TF: variants seen among roughly 807,000 people sequenced by gnomAD.
TF encodes serotransferrin.
A neutral mutation model predicts 82.4 loss-of-function variants in TF; 55 were observed. The ratio of observed to expected loss-of-function variants is 0.67; its 90% confidence interval spans 0.54 to 0.84. The LOEUF (loss-of-function observed/expected upper bound fraction) is 0.84, where lower values mean the gene tolerates loss of function less well. Among genes scored for constraint, TF ranks in the 40% least tolerant of loss-of-function variants. The pLI, the probability that TF is intolerant of heterozygous loss-of-function variation, is 0.00. For missense variants in TF, 737 were observed against 868.4 expected, an observed-to-expected ratio of 0.85 and a Z score of 1.90; for synonymous variants, 332 against 332.6, an observed-to-expected ratio of 1.00 and a Z score of 0.02.
chr3:133,713,940 G>A, the TF span, among the ~76,000 whole-genome samples: 1 of 152,156 alleles, frequency 6.6e-6, no homozygotes, highest in Non-Finnish European at 1.5e-5. Context: ...TAGGACAACA[G>A]CACATAAATA....
the TF span, among the ~76,000 whole-genome samples, chr3:133,694,657 T>C: frequency 6.6e-6 from 1 of 152,206 alleles, no homozygotes; most frequent in Non-Finnish European, 1.5e-5. Flanking sequence ...TCTGGGCTTT[T>C]GGCAGGGCCA....
At chr3:133,733,228 C>T in the TF span, among the ~76,000 whole-genome samples, 331 of 152,184 alleles carry the variant, frequency 2.2e-3, 5 homozygotes, top group African/African-American at 7.6e-3. Context: ...CACAGCCTTC[C>T]TTTCCACTCC....
Position 133,778,712 on chromosome 3 carries a change from C to A in TF, c.*92C>A. ...GTTTCACTGGCCCAAGTGGTTTGTG[C>A]TAACCACGTCTGTCTTCACAGCTCT... On this transcript the variant is annotated 3_prime_UTR_variant, in exon 17 of 17. Transcript: ENST00000402696. The A allele has an allele frequency of 7.5e-7, 1 of 1,335,614 alleles. No homozygotes were observed. The highest frequency in any genetic ancestry group is 1.1e-6 in the Non-Finnish European group (1 of 938,324). The allele number at this position is 1,335,614 out of a possible 1,614,324, so 82.7% of individuals were successfully genotyped here.
At chr3:133,667,356 CAAAAA>C in the TF span, among the ~76,000 whole-genome samples, 29 of 128,072 alleles carry the variant, frequency 2.3e-4, 1 homozygote, top group Non-Finnish European at 1.1e-4. Flanking sequence ...GACTCTGACT[CAAAAA>C]AAAAAAAAAA....
the TF span, among the ~76,000 whole-genome samples, chr3:133,668,335 G>T: frequency 6.6e-6 from 1 of 152,174 alleles, no homozygotes; most frequent in African/African-American, 2.4e-5. Flanking sequence ...GAGGGTAATA[G>T]AAAATGAAGA....
At chr3:133,687,429 G>A in the TF span, among the ~76,000 whole-genome samples, 5 of 151,996 alleles carry the variant, frequency 3.3e-5, no homozygotes, top group Admixed American at 2.6e-4. Context: ...TTTGAGATGA[G>A]ATTCACATAA....
chr3:133,728,497 A>G, the TF span, among the ~76,000 whole-genome samples: 2 of 152,078 alleles, frequency 1.3e-5, no homozygotes, highest in Non-Finnish European at 2.9e-5. Flanking sequence ...CTTGGCTTTC[A>G]GCTCCATCAG....
In TF at chr3:133,783,302, A is replaced by C. The variant is rs1393141538; in HGVS notation, c.*4682A>C. ...ATAAAAGTTCCAGATATTAAATGCA[A>C]ATGAGAATTTATTACATGATAAAGC... is the stretch of plus-strand genomic sequence containing the variant. On this transcript the variant is annotated 3_prime_UTR_variant, in exon 17 of 17. Coordinates refer to ENST00000402696, the MANE Select transcript of TF (RefSeq NM_001063.4). The C allele has an allele frequency of 6.6e-6, 1 of 152,200 alleles. No homozygotes were observed. The highest frequency in any genetic ancestry group is 1.5e-5 in the Non-Finnish European group (1 of 68,034). The allele number at this position is 152,200 out of a possible 1,614,324, so 9.4% of individuals were successfully genotyped here.
chr3:133,721,252 G>A, the TF span, among the ~76,000 whole-genome samples: 22 of 152,194 alleles, frequency 1.4e-4, no homozygotes, highest in African/African-American at 4.8e-4. Context: ...TCTTAGAACT[G>A]CTTTTGCTGT....
chr3:133,786,607 T>G lies in TF; in HGVS notation c.*7987T>G, dbSNP rs1934693874. ...TTCTAGATGTTAAAGAGGTTGCTAG[T>G]GTATGACAAAAGTAGTTAGTAAACT... On this transcript the variant is annotated 3_prime_UTR_variant, in exon 17 of 17. Coordinates refer to ENST00000402696, the MANE Select transcript of TF (RefSeq NM_001063.4). 6.6e-6 allele frequency: 1 copy of G among 152,270 alleles called. No homozygotes were observed. Among genetic ancestry groups the G allele is most frequent in the African/African-American group, 2.4e-5 (1 of 41,476 alleles). 9.4% of individuals were successfully genotyped at this position (152,270 alleles called of 1,614,324 possible). A position where few individuals can be genotyped will look rare whatever the true frequency, so the allele number is the denominator to read the frequency against.
At chr3:133,699,571 G>A in the TF span, 1 of 668,350 alleles carries the variant, frequency 1.5e-6, no homozygotes, top group Admixed American at 1.9e-5. Flanking sequence ...GTCATGGCCT[G>A]AAGTGTGGGT....
At chr3:133,683,928 C>A in the TF span, among the ~76,000 whole-genome samples, 1 of 152,162 alleles carries the variant, frequency 6.6e-6, no homozygotes, top group African/African-American at 2.4e-5. Context: ...CGCTCTTATT[C>A]CAAAATTGAC....
intron 3 of TF, chr3:133,754,209 A>G: frequency 2.1e-6 from 1 of 468,268 alleles, no homozygotes; most frequent in Non-Finnish European, 3.9e-6. Context: ...TGGTAGGTGT[A>G]GGCAGACACG....
intron 14 of TF, chr3:133,775,144 A>C: frequency 2.1e-6 from 1 of 473,080 alleles, no homozygotes; most frequent in Non-Finnish European, 3.9e-6. Flanking sequence ...ATTTAGTGGA[A>C]TTGAAGATCT....
the TF span, among the ~76,000 whole-genome samples, chr3:133,730,077 A>C: frequency 6.6e-6 from 1 of 152,128 alleles, no homozygotes; most frequent in African/African-American, 2.4e-5. Context: ...CATCTAGCGA[A>C]ATGAGCTTCT....
intron 13 of TF, among the ~76,000 whole-genome samples, 187 bp downstream of exon 13, chr3:133,768,351 G>A (rs1367536292): frequency 1.3e-5 from 2 of 152,202 alleles, no homozygotes; most frequent in Non-Finnish European, 2.9e-5. Flanking sequence ...ATGCTGACAT[G>A]GCTGTCAAAG....
intron 11 of TF, 21 bp downstream of exon 11, chr3:133,764,928 T>A (rs1413904922): frequency 1.2e-6 from 2 of 1,612,790 alleles, no homozygotes; most frequent in South Asian, 2.2e-5. Context: ...ATTGGTAACC[T>A]CTGGAGTTAA....
the TF span, among the ~76,000 whole-genome samples, chr3:133,737,446 G>A: frequency 6.6e-6 from 1 of 151,856 alleles, no homozygotes; most frequent in Non-Finnish European, 1.5e-5. Flanking sequence ...GCTAGAAGAA[G>A]ACAAGAAATA....
the TF span, chr3:133,701,995 G>A: frequency 6.5e-6 from 1 of 153,334 alleles, no homozygotes; most frequent in Non-Finnish European, 1.5e-5. Context: ...AGAGGGCCAA[G>A]TGTGATGAGT....
Sources: gnomAD v4.1 joint callset for allele counts (sites outside exome capture counted in the v4.1 genomes callset) on GRCh38, gnomAD v4.1.1 for gene constraint, MANE v1.5 for transcripts, NCBI Gene and HGNC (gene_info 2026-07-23, HGNC 2026-07-21) for gene names.